Variants in SUPT20H observed in about 807,000 individuals in gnomAD.
SUPT20H encodes the protein transcription factor SPT20 homolog.
In SUPT20H, 82 loss-of-function variants were observed where a neutral mutation model predicts 122.8. That is an observed-to-expected ratio of 0.67 (90% CI 0.56 to 0.80). The LOEUF (loss-of-function observed/expected upper bound fraction) is 0.80, where lower values mean the gene tolerates loss of function less well. Ranked by LOEUF, SUPT20H falls within the 30% of genes least tolerant of loss-of-function variation. SUPT20H has a pLI of 0.00. For missense variants in SUPT20H, 831 were observed against 921.6 expected (o/e 0.90, Z 1.27); for synonymous variants, 291 against 313.0 (o/e 0.93, Z 0.74).
At chr13:37,035,445 G>A (rs2064167343) in intron 9 of SUPT20H, among the ~76,000 whole-genome samples, 1 of 152,026 alleles carries the variant, frequency 6.6e-6, no homozygotes, top group Admixed American at 6.6e-5. Flanking sequence ...TAGAGAGCCT[G>A]AAGATGTGAC....
intron 7 of SUPT20H, among the ~76,000 whole-genome samples, chr13:37,043,726 G>A (rs2065913271): frequency 1.3e-5 from 2 of 151,526 alleles, no homozygotes; most frequent in Non-Finnish European, 2.9e-5. Flanking sequence ...TGCAATTCTG[G>A]TTTTCCTCTT....
chr13:37,027,816 T>A (rs1349165561), intron 14 of SUPT20H, among the ~76,000 whole-genome samples: 2 of 152,120 alleles, frequency 1.3e-5, no homozygotes, highest in African/African-American at 4.8e-5. Context: ...TGCTTCCTAT[T>A]TAAACACACT....
chr13:37,019,188 C>A (rs763820838), intron 22 of SUPT20H, among the ~76,000 whole-genome samples, 154 bp downstream of exon 22: 2 of 152,100 alleles, frequency 1.3e-5, no homozygotes, highest in Non-Finnish European at 1.5e-5. Context: ...TCTCTTTATC[C>A]GCTTGATCAT....
At chr13:37,013,352 A>C (rs189152209) in intron 23 of SUPT20H, 2 of 152,252 alleles carry the variant, frequency 1.3e-5, no homozygotes, top group East Asian at 3.9e-4. Flanking sequence ...TTCAGAAAGA[A>C]TAGCTGTTTT....
chr13:37,030,908 G>A (rs1162619184), intron 12 of SUPT20H, among the ~76,000 whole-genome samples: 1 of 151,994 alleles, frequency 6.6e-6, no homozygotes, highest in African/African-American at 2.4e-5. Context: ...TTTTAAATCA[G>A]AAATAGTAAG....
At chr13:37,035,685 C>T (rs1386313563) in intron 9 of SUPT20H, among the ~76,000 whole-genome samples, 2 of 152,222 alleles carry the variant, frequency 1.3e-5, no homozygotes, top group South Asian at 4.1e-4. Flanking sequence ...GCAACTGCCA[C>T]CATGCCCAGC....
rs916493571 is a variant in SUPT20H, at chr13:37,049,864, G to A, written c.4-1265C>T. On this transcript the variant is annotated intron_variant, in intron 2 of 25. Coordinates refer to ENST00000350612, the MANE Select transcript of SUPT20H (RefSeq NM_001014286.3). ...GATAGTCATTTTTAAATTTTATTAAGAGGCACAGAACTTTCAGTTTTTATT... is the reference window on the plus strand; with the variant it reads ...GATAGTCATTTTTAAATTTTATTAAAAGGCACAGAACTTTCAGTTTTTATT... 5.3e-5 allele frequency among the ~76,000 whole-genome samples: 8 copies of A among 152,044 alleles called. No homozygotes were observed. In the East Asian group the frequency reaches 1.2e-3, roughly 22 times the overall value.
At chr13:37,018,146 T>A (rs1216237583) in intron 22 of SUPT20H, among the ~76,000 whole-genome samples, 1 of 152,096 alleles carries the variant, frequency 6.6e-6, no homozygotes, top group Admixed American at 6.6e-5. Flanking sequence ...AAAAAATCCT[T>A]GGGTCAAAGT....
rs1594034958 is a variant in SUPT20H, at chr13:37,022,291, G to C, written c.1592-211C>G. The C allele has an allele frequency of 7.0e-7, 1 of 1,432,692 alleles. No individual in the cohort carries two copies. The highest frequency in any genetic ancestry group is 2.6e-5 in the East Asian group (1 of 38,808). 88.7% of individuals were successfully genotyped at this position (1,432,692 alleles called of 1,614,324 possible). Reference sequence around the variant, plus strand: ...GGGGTCGATGAAGGGGTTGGTGTAGGAGTAGATGGCTTAGGAGTTCCAGAT... The same window carrying C: ...GGGGTCGATGAAGGGGTTGGTGTAGCAGTAGATGGCTTAGGAGTTCCAGAT... On this transcript the variant is annotated intron_variant, in intron 19 of 25. Transcript: ENST00000350612. The surrounding 1 kb of genome is among the most constrained non-coding windows in gnomAD (Gnocchi z 4.5).
intron 6 of SUPT20H, 124 bp from the exon 7 acceptor site, chr13:37,044,305 C>CA (rs34587536): frequency 5.5e-5 from 31 of 564,898 alleles, no homozygotes; most frequent in South Asian, 4.4e-4. Context: ...AAGCAAGGAT[C>CA]AAAAAAAATA....
intron 9 of SUPT20H, among the ~76,000 whole-genome samples, chr13:37,036,261 T>G (rs1463856537): frequency 2.0e-5 from 3 of 152,146 alleles, no homozygotes; most frequent in African/African-American, 7.2e-5. Flanking sequence ...GCACCCTTAA[T>G]AGACTACAGT....
chr13:37,017,936 A>T (rs2139320822), intron 22 of SUPT20H, among the ~76,000 whole-genome samples: 1 of 152,282 alleles, frequency 6.6e-6, no homozygotes, highest in Admixed American at 6.5e-5. Context: ...AACAATTTTT[A>T]AAGAAGCACT....
At chr13:37,038,699 TAA>T (rs2064945668) in intron 9 of SUPT20H, 1 of 152,256 alleles carries the variant, frequency 6.6e-6, no homozygotes, top group African/African-American at 2.4e-5. Context: ...AAGGGGTCTT[TAA>T]AAAGTTTATG....
At chr13:37,016,748 G>A (rs1349920254) in intron 23 of SUPT20H, among the ~76,000 whole-genome samples, 5 of 152,132 alleles carry the variant, frequency 3.3e-5, no homozygotes, top group Non-Finnish European at 7.4e-5. Context: ...TGTACCCAAA[G>A]TTTAGAAACA....
intron 23 of SUPT20H, among the ~76,000 whole-genome samples, chr13:37,015,472 A>C (rs1033140811): frequency 2.0e-5 from 3 of 150,240 alleles, no homozygotes; most frequent in Admixed American, 1.3e-4. Flanking sequence ...CCCATTAGGA[A>C]GGCTGCTTAA....
intron 9 of SUPT20H, 182 bp downstream of exon 9, chr13:37,040,223 G>A (rs1465563771): frequency 1.0e-5 from 5 of 490,246 alleles, no homozygotes; most frequent in African/African-American, 2.0e-5. Context: ...GCAACTTGAG[G>A]GATTACTACA....
chr13:37,019,302 T>G (rs1011099134), intron 22 of SUPT20H, 40 bp downstream of exon 22: 1 of 1,501,842 alleles, frequency 6.7e-7, no homozygotes, highest in Non-Finnish European at 9.1e-7. Flanking sequence ...AAAAAGTCAA[T>G]GTACAAAAAA....
At chr13:37,052,164 A>G (rs1441051292) in intron 1 of SUPT20H, among the ~76,000 whole-genome samples, 1 of 152,204 alleles carries the variant, frequency 6.6e-6, no homozygotes, top group African/African-American at 2.4e-5. Flanking sequence ...CTTTCTTCAC[A>G]AAACTAGGAA....
chr13:37,031,259 G>A (rs1467845105), intron 12 of SUPT20H, among the ~76,000 whole-genome samples: 1 of 151,866 alleles, frequency 6.6e-6, no homozygotes, highest in Non-Finnish European at 1.5e-5. Flanking sequence ...GATTTCACGT[G>A]ATTATGTAAT....
Sources: gnomAD v4.1 joint callset for allele counts (sites outside exome capture counted in the v4.1 genomes callset) on GRCh38, gnomAD v4.1.1 for gene constraint, Gnocchi (gnomAD v3.1) non-coding constraint, MANE v1.5 for transcripts, NCBI Gene and HGNC (gene_info 2026-07-23, HGNC 2026-07-21) for gene names.